Variants in ZRANB1 observed in about 807,000 individuals in gnomAD.
ZRANB1 encodes zinc finger RANBP2-type containing 1, also known as ubiquitin thioesterase ZRANB1.
A neutral mutation model predicts 80.5 loss-of-function variants in ZRANB1; 16 were observed. That is an observed-to-expected ratio of 0.20 (90% CI 0.13 to 0.30). The LOEUF is 0.30. ZRANB1 is among the 10% of genes least tolerant of loss of function. The probability of loss-of-function intolerance (pLI) is 1.00; values close to 1 mark genes in which losing one functional copy is unlikely to be tolerated. For missense variants in ZRANB1, 576 were observed against 862.6 expected (o/e 0.67, Z 4.16); for synonymous variants, 291 against 293.1 (o/e 0.99, Z 0.07).
chr10:124,978,333 A>T (rs1427362215), intron 5 of ZRANB1, among the ~76,000 whole-genome samples: 1 of 152,146 alleles, frequency 6.6e-6, no homozygotes, highest in East Asian at 1.9e-4. Flanking sequence ...CACTTAATTG[A>T]AATCAGCTGG....
chr10:124,920,478 G>A, the ZRANB1 span, among the ~76,000 whole-genome samples: 3 of 152,124 alleles, frequency 2.0e-5, no homozygotes, highest in Admixed American at 6.5e-5. Context: ...TGGTGTTCAA[G>A]TTTCTCTGTA....
At chr10:124,984,033 A>G (rs753308451) in intron 8 of ZRANB1, among the ~76,000 whole-genome samples, 10 of 152,068 alleles carry the variant, frequency 6.6e-5, no homozygotes, top group Non-Finnish European at 1.2e-4. Context: ...GCAACAGGGA[A>G]AGAGAGAGGG....
chr10:124,927,243 C>T, the ZRANB1 span, among the ~76,000 whole-genome samples: 1 of 152,254 alleles, frequency 6.6e-6, no homozygotes, highest in Non-Finnish European at 1.5e-5. Context: ...GCGTGAGCCA[C>T]CGCGCCCGGC....
the ZRANB1 span, among the ~76,000 whole-genome samples, chr10:124,921,690 A>G: frequency 2.6e-5 from 4 of 152,144 alleles, no homozygotes; most frequent in Admixed American, 6.6e-5. Context: ...ACCTTTTAGC[A>G]TCATTGAAGT....
the ZRANB1 span, chr10:124,917,144 T>C: frequency 6.0e-6 from 1 of 167,412 alleles, no homozygotes; most frequent in Non-Finnish European, 1.2e-5. Context: ...GGGGCCGGGC[T>C]CGACTCGTAG....
chr10:124,973,191 C>T (rs1396901476), intron 3 of ZRANB1, among the ~76,000 whole-genome samples: 7 of 152,238 alleles, frequency 4.6e-5, no homozygotes, highest in South Asian at 4.2e-4. Flanking sequence ...CTTACTCTAT[C>T]GCCTAGGCTG....
At chr10:124,939,485 T>C (rs550795104), upstream of ZRANB1, among the ~76,000 whole-genome samples, 4 of 152,316 alleles carry the variant, frequency 2.6e-5, no homozygotes, top group South Asian at 8.3e-4. Flanking sequence ...TGACAGTTTT[T>C]TGTTTGTTTT....
chr10:124,967,168 T>C (rs1951783706), intron 2 of ZRANB1, among the ~76,000 whole-genome samples: 1 of 152,212 alleles, frequency 6.6e-6, no homozygotes, highest in Non-Finnish European at 1.5e-5. Context: ...GAACAGGTAA[T>C]TCTGTGCAGC....
the ZRANB1 span, among the ~76,000 whole-genome samples, chr10:124,931,999 C>T: frequency 6.6e-6 from 1 of 152,168 alleles, no homozygotes; most frequent in South Asian, 2.1e-4. Context: ...CTCTTGCAAT[C>T]CCCTGATCTT....
upstream of ZRANB1, among the ~76,000 whole-genome samples, chr10:124,937,492 T>G (rs1374428370): frequency 1.3e-5 from 2 of 152,120 alleles, no homozygotes; most frequent in Non-Finnish European, 2.9e-5. Flanking sequence ...CACCGAGAAT[T>G]ATTTCATTTC....
intron 3 of ZRANB1, among the ~76,000 whole-genome samples, chr10:124,972,386 T>C (rs557201476): frequency 5.6e-4 from 86 of 152,364 alleles, no homozygotes; most frequent in African/African-American, 2.0e-3. Flanking sequence ...TCTGTTGTAC[T>C]CTTTTATTTT....
rs982188241 is a variant in ZRANB1, at chr10:124,985,821, G to C, written c.*829G>C. 1 of 152,192 alleles carries C rather than the reference G, an allele frequency of 6.6e-6. No homozygotes were observed. Among genetic ancestry groups the C allele is most frequent in the Non-Finnish European group, 1.5e-5 (1 of 68,018 alleles). The allele number at this position is 152,192 out of a possible 1,614,324, so 9.4% of individuals were successfully genotyped here. On this transcript the variant is annotated 3_prime_UTR_variant, in exon 9 of 9. Transcript: ENST00000359653. Reference sequence around the variant, plus strand: ...GCCCACTTGTCACTAAATGAATTGTGTGAAATGTGCTCACTTGGACTCCAT... The same window carrying C: ...GCCCACTTGTCACTAAATGAATTGTCTGAAATGTGCTCACTTGGACTCCAT...
rs1190112423 is a variant in ZRANB1, at chr10:124,986,378, GCTT to G, written c.*1390_*1392del. On this transcript the variant is annotated 3_prime_UTR_variant, in exon 9 of 9. Coordinates refer to ENST00000359653, the MANE Select transcript of ZRANB1 (RefSeq NM_017580.3). ...TGTGAAAACCTTAAAGTATTTGCTT[GCTT>G]CTTGTTTTGTTTAGTTGATAATGAA... 2 of 152,164 alleles carry G rather than the reference GCTT, an allele frequency of 1.3e-5. No homozygotes were observed. The highest frequency in any genetic ancestry group is 1.9e-4 in the East Asian group (1 of 5,170). The allele number at this position is 152,164 out of a possible 1,614,324, so 9.4% of individuals were successfully genotyped here. A position where few individuals can be genotyped will look rare whatever the true frequency, so the allele number is the denominator to read the frequency against.
intron 1 of ZRANB1, among the ~76,000 whole-genome samples, chr10:124,951,531 C>T (rs193016007): frequency 1.1e-4 from 16 of 152,232 alleles, no homozygotes; most frequent in Non-Finnish European, 2.1e-4. Context: ...GGCATACAAA[C>T]GATTGTGAAG....
the ZRANB1 span, among the ~76,000 whole-genome samples, chr10:124,935,866 G>C: frequency 6.6e-6 from 1 of 152,190 alleles, no homozygotes. Context: ...CGAAGGGAGG[G>C]ATGGAAATAG....
In ZRANB1 at chr10:124,942,831, C is replaced by T. The variant is rs763539523; in HGVS notation, c.338C>T (p.Thr113Ile). ...ACCCAGTGCTTATCCCAACGTAGGA[C>T]CAGGAGTCCTACAGAATCTCCTCAG... ...RCTQCLSQRR[T>I]RSPTESPQSS... Residue 113 changes from threonine to isoleucine, a missense_variant, in exon 1 of 9, where the codon ACC becomes ATC. Thr to Ile is a moderately conservative substitution (Grantham distance 89, BLOSUM62 -1). Coordinates refer to ENST00000359653, the MANE Select transcript of ZRANB1 (RefSeq NM_017580.3). The T allele has an allele frequency of 6.2e-7, 1 of 1,614,182 alleles. No individual in the cohort carries two copies. Among genetic ancestry groups the T allele is most frequent in the East Asian group, 2.2e-5 (1 of 44,878 alleles).
At position 124,985,877 on chromosome 10, in the gene ZRANB1, C is replaced by T. The variant is rs1050814197; in HGVS notation, c.*885C>T. ...ATGTGCTGCTCCCAGATTGCCATGCCAGAGGGTCTTCGGATTCTTCCTTCT... is the reference window on the plus strand; with the variant it reads ...ATGTGCTGCTCCCAGATTGCCATGCTAGAGGGTCTTCGGATTCTTCCTTCT... On this transcript the variant is annotated 3_prime_UTR_variant, in exon 9 of 9. Transcript: ENST00000359653. 1.3e-5 allele frequency: 2 copies of T among 150,460 alleles called. No homozygotes were observed. Among genetic ancestry groups the T allele is most frequent in the African/African-American group, 4.8e-5 (2 of 41,390 alleles). 9.3% of individuals were successfully genotyped at this position (150,460 alleles called of 1,614,324 possible).
At chr10:124,950,200 C>G (rs1490117903) in intron 1 of ZRANB1, among the ~76,000 whole-genome samples, 1 of 152,148 alleles carries the variant, frequency 6.6e-6, no homozygotes, top group Non-Finnish European at 1.5e-5. Context: ...TCTTGGCTCA[C>G]TTCAATCTCT....
intron 5 of ZRANB1, among the ~76,000 whole-genome samples, chr10:124,979,837 GGTTT>G (rs1182332548): frequency 6.6e-6 from 1 of 152,110 alleles, no homozygotes; most frequent in East Asian, 1.9e-4. Context: ...TAAAAGTAAG[GGTTT>G]GTTTCTGGAC....
Sources: gnomAD v4.1 joint callset for allele counts (sites outside exome capture counted in the v4.1 genomes callset) on GRCh38, gnomAD v4.1.1 for gene constraint, MANE v1.5 for transcripts, NCBI Gene and HGNC (gene_info 2026-07-23, HGNC 2026-07-21) for gene names.